The following PRDM16 variants were observed in gnomAD, a reference collection of about 807,000 sequenced individuals.
PRDM16 encodes histone-lysine N-methyltransferase PRDM16.
Under a neutral mutation model 110.6 loss-of-function variants are expected in PRDM16, and 23 were observed. The observed-to-expected ratio is 0.21, with a 90% CI of 0.15 to 0.29. The LOEUF (loss-of-function observed/expected upper bound fraction) is 0.29, where lower values mean the gene tolerates loss of function less well. Among genes scored for constraint, PRDM16 ranks in the 10% least tolerant of loss-of-function variants. PRDM16 has a pLI of 1.00. For missense variants in PRDM16, 1,615 were observed against 1,794.3 expected (o/e 0.90, Z 1.81); for synonymous variants, 799 against 781.8 (o/e 1.02, Z -0.37).
intron 3 of PRDM16, among the ~76,000 whole-genome samples, chr1:3,336,989 G>T (rs930765741): frequency 2.7e-5 from 4 of 148,314 alleles, no homozygotes; most frequent in African/African-American, 9.8e-5. Flanking sequence ...GTGTGAATCT[G>T]TGTGTGCATG....
intron 6 of PRDM16, among the ~76,000 whole-genome samples, chr1:3,403,713 C>T (rs140762255): frequency 2.6e-5 from 4 of 152,330 alleles, no homozygotes; most frequent in Non-Finnish European, 5.9e-5. Flanking sequence ...GGGAGTGAAA[C>T]CAGGACATTC....
intron 1 of PRDM16, among the ~76,000 whole-genome samples, chr1:3,102,140 C>T (rs1033848115): frequency 1.3e-5 from 2 of 152,194 alleles, no homozygotes; most frequent in African/African-American, 4.8e-5. Flanking sequence ...CCCAGGAGCC[C>T]CATTTCGCAG....
At chr1:3,234,719 G>A (rs1362543176) in intron 2 of PRDM16, among the ~76,000 whole-genome samples, 3 of 152,224 alleles carry the variant, frequency 2.0e-5, no homozygotes, top group Non-Finnish European at 4.4e-5. Flanking sequence ...CCATGTAGCA[G>A]CTCGGTAAAT....
At chr1:3,185,092 C>T (rs778317445) in intron 1 of PRDM16, among the ~76,000 whole-genome samples, 17 of 152,154 alleles carry the variant, frequency 1.1e-4, no homozygotes, top group African/African-American at 1.9e-4. Flanking sequence ...TGTGAACATT[C>T]GCCTGCCTGA....
chr1:3,414,585 G>T lies in PRDM16; in HGVS notation c.2629G>T (p.Asp877Tyr), dbSNP rs572014192. 1 of 1,613,514 alleles carries T rather than the reference G, an allele frequency of 6.2e-7. No homozygotes were observed. Among genetic ancestry groups the T allele is most frequent in the Non-Finnish European group, 8.5e-7 (1 of 1,179,834 alleles). Residue 877 changes from aspartate (D) to tyrosine (Y), a missense_variant, in exon 10 of 17, where the codon GAC becomes TAC. This residue lies in a region of PRDM16 where 772 missense variants were observed against 748.3 expected (regional missense o/e 1.03). Transcript: ENST00000270722. ...YSRVEKRKVT[D>Y]PVGALKEKYL... ...CAGGGTAGAAAAGCGGAAGGTCACA[G>T]ACCCCGTGGGAGCCCTGAAGGAGAA...
intron 12 of PRDM16, among the ~76,000 whole-genome samples, chr1:3,421,710 C>A (rs1015503426): frequency 3.3e-5 from 5 of 152,246 alleles, no homozygotes; most frequent in African/African-American, 1.2e-4. Context: ...GTTTTATGAA[C>A]AAGCTTCTTT....
rs2100709673 is a variant in PRDM16 at position 3,434,743 on chromosome 1, A to G, written c.*932A>G. Reference sequence around the variant, plus strand: ...GGGAAGTCGAGGGCCTGTGGCTTGGATCCGCCATGCAGAGATGTGGCCGGG... The same window carrying G: ...GGGAAGTCGAGGGCCTGTGGCTTGGGTCCGCCATGCAGAGATGTGGCCGGG... On this transcript the variant is annotated 3_prime_UTR_variant, in exon 17 of 17. Transcript: ENST00000270722. 8.6e-6 allele frequency: 2 copies of G among 232,526 alleles called. No individual in the cohort carries two copies. The highest frequency in any genetic ancestry group is 1.7e-5 in the Non-Finnish European group (2 of 117,596). The allele number at this position is 232,526 out of a possible 1,614,324, so 14.4% of individuals were successfully genotyped here. A position where few individuals can be genotyped will look rare whatever the true frequency, so the allele number is the denominator to read the frequency against.
At chr1:3,416,253 C>T (rs932369845) in intron 10 of PRDM16, among the ~76,000 whole-genome samples, 5 of 152,228 alleles carry the variant, frequency 3.3e-5, no homozygotes, top group African/African-American at 1.2e-4. Context: ...CCTCTGCTCC[C>T]TACCAGCAGC....
At chr1:3,263,984 G>A (rs1320344198) in intron 3 of PRDM16, among the ~76,000 whole-genome samples, 1 of 152,158 alleles carries the variant, frequency 6.6e-6, no homozygotes. Context: ...CAGGGCTCAG[G>A]GAGGGGCAGG....
At chr1:3,187,088 C>A (rs767978751) in intron 2 of PRDM16, among the ~76,000 whole-genome samples, 1 of 152,210 alleles carries the variant, frequency 6.6e-6, no homozygotes, top group Non-Finnish European at 1.5e-5. Context: ...CTGCAGGGGT[C>A]AGGAGAGAGG....
At chr1:3,331,450 T>TTGAATGAA (rs59248922) in intron 3 of PRDM16, among the ~76,000 whole-genome samples, 92 of 151,604 alleles carry the variant, frequency 6.1e-4, no homozygotes, top group South Asian at 2.5e-3. Context: ...AGCACGTTTG[T>TTGAATGAA]TGAATGAATG....
At chr1:3,320,403 T>G (rs1401332168) in intron 3 of PRDM16, among the ~76,000 whole-genome samples, 1 of 152,180 alleles carries the variant, frequency 6.6e-6, no homozygotes, top group Non-Finnish European at 1.5e-5. Flanking sequence ...TGGGGCTTGG[T>G]CTCTGCAAAG....
At chr1:3,392,392 C>T (rs932145494) in intron 4 of PRDM16, among the ~76,000 whole-genome samples, 15 of 152,114 alleles carry the variant, frequency 9.9e-5, no homozygotes, top group Non-Finnish European at 1.6e-4. Flanking sequence ...CCCAAAAGTT[C>T]GCTTGATGGA....
At chr1:3,150,205 T>C (rs545427719) in intron 1 of PRDM16, among the ~76,000 whole-genome samples, 10 of 152,346 alleles carry the variant, frequency 6.6e-5, no homozygotes, top group Middle Eastern at 3.4e-3. Context: ...AGAACTTGTT[T>C]CCTTGTCTGT....
intron 1 of PRDM16, among the ~76,000 whole-genome samples, chr1:3,075,749 C>CA (rs1641882342): frequency 6.6e-6 from 1 of 152,280 alleles, no homozygotes; most frequent in Non-Finnish European, 1.5e-5. Context: ...ACGCACCTCT[C>CA]AGAGTGGAGG....
Position 3,412,024 on chromosome 1 carries a change from C to G in PRDM16, c.1827C>G (p.Thr609=). 6.2e-7 allele frequency: 1 copy of G among 1,613,482 alleles called. No homozygotes were observed. Among genetic ancestry groups the G allele is most frequent in the African/African-American group, 1.3e-5 (1 of 75,044 alleles). The change falls in exon 9 of 17, where the codon ACC becomes ACG. Residue 609 remains threonine (T), a synonymous_variant. Transcript: ENST00000270722. ...GCAGTGACTTTGAGGACGTCAACAC[C>G]ACCACGGGGACCGACCTGGACACGA... ...SDGSDFEDVN[T]TTGTDLDTTT...
Position 3,081,273 on chromosome 1 carries a change from G to T in PRDM16, c.37+11977G>T, listed in dbSNP as rs1207153607. On this transcript the variant is annotated intron_variant, in intron 1 of 16. Transcript: ENST00000270722. This position sits in a 1 kb window ranked among gnomAD's most constrained non-coding sequence, Gnocchi z 4.6. Reference sequence around the variant, plus strand: ...CTCGCGGCTGTACCCCGAGTCCCCCGTGCTGGCACCTGATAAGGGGTCATT... The same window carrying T: ...CTCGCGGCTGTACCCCGAGTCCCCCTTGCTGGCACCTGATAAGGGGTCATT... Among the ~76,000 whole-genome samples the T allele has an allele frequency of 6.6e-6, 1 of 152,218 alleles. No individual in the cohort carries two copies. The highest frequency in any genetic ancestry group is 1.5e-5 in the Non-Finnish European group (1 of 68,044).
chr1:3,398,041 T>A (rs1042576893), intron 5 of PRDM16, among the ~76,000 whole-genome samples: 3 of 152,066 alleles, frequency 2.0e-5, no homozygotes, highest in African/African-American at 7.2e-5. Flanking sequence ...AAAAGAAAAA[T>A]CAATTGCCGA....
intron 3 of PRDM16, among the ~76,000 whole-genome samples, chr1:3,259,790 C>T (rs894707576): frequency 4.6e-5 from 7 of 152,104 alleles, no homozygotes; most frequent in East Asian, 1.9e-4. Context: ...GCCTGGGATG[C>T]GCCTCTCCAC....
Sources: allele counts gnomAD v4.1 joint callset (sites outside exome capture counted in the v4.1 genomes callset), GRCh38; gene constraint gnomAD v4.1.1; regional missense constraint gnomAD v4.1.1; non-coding constraint Gnocchi (gnomAD v3.1); transcripts MANE v1.5; gene names NCBI Gene and HGNC (gene_info 2026-07-23, HGNC 2026-07-21).